The following CDC73 variants were observed in gnomAD, a reference collection of about 807,000 sequenced individuals.
CDC73 encodes parafibromin.
In CDC73, 21 loss-of-function variants were observed where a neutral mutation model predicts 83.7. The observed-to-expected ratio is 0.25, with a 90% CI of 0.18 to 0.36. CDC73 has a LOEUF of 0.36. Ranked by LOEUF, CDC73 falls within the 10% of genes least tolerant of loss-of-function variation. The pLI, the probability that CDC73 is intolerant of heterozygous loss-of-function variation, is 1.00. For synonymous variants in CDC73, 224 were observed against 212.9 expected, an observed-to-expected ratio of 1.05 and a Z score of -0.45; for missense variants, 342 against 653.3, an observed-to-expected ratio of 0.52 and a Z score of 5.19.
At chr1:193,241,018 C>T (rs1677847178) in intron 15 of CDC73, among the ~76,000 whole-genome samples, 1 of 152,084 alleles carries the variant, frequency 6.6e-6, no homozygotes, top group South Asian at 2.1e-4. Context: ...GTTTATTTTT[C>T]ATTGGGATCT....
intron 11 of CDC73, among the ~76,000 whole-genome samples, chr1:193,206,683 G>T (rs1279789612): frequency 1.3e-5 from 2 of 152,158 alleles, no homozygotes; most frequent in Non-Finnish European, 2.9e-5. Flanking sequence ...ACTGTTATTT[G>T]TTGGGTAGAG....
chr1:193,188,189 T>C (rs576285025), intron 10 of CDC73, among the ~76,000 whole-genome samples: 10 of 152,336 alleles, frequency 6.6e-5, no homozygotes, highest in African/African-American at 2.2e-4. Flanking sequence ...TGAGCTGTTA[T>C]GCAAATGGCT....
At chr1:193,246,362 G>C (rs1041784500) in intron 15 of CDC73, among the ~76,000 whole-genome samples, 10 of 151,846 alleles carry the variant, frequency 6.6e-5, no homozygotes, top group Admixed American at 1.3e-4. Flanking sequence ...ATTTATTGAA[G>C]ACTGTCTTTT....
intron 2 of CDC73, among the ~76,000 whole-genome samples, chr1:193,126,139 T>G (rs777780030): frequency 6.6e-6 from 1 of 152,160 alleles, no homozygotes; most frequent in African/African-American, 2.4e-5. Context: ...ATAGAGATGT[T>G]TAGAAAAACT....
In CDC73 at chr1:193,194,193, C is replaced by G. The variant is rs865821111; in HGVS notation, c.973-9602C>G. 6.6e-5 allele frequency among the ~76,000 whole-genome samples: 10 copies of G among 152,272 alleles called. No homozygotes were observed. The South Asian group carries it at 1.9e-3, about 28-fold the overall frequency. On this transcript the variant is annotated intron_variant, in intron 10 of 16. Coordinates refer to ENST00000367435, the MANE Select transcript of CDC73 (RefSeq NM_024529.5). ...AGTTAATTGCACATTCAAGGTTGTA[C>G]TACAGTGGCATTGTTTCTAGTGAAA... is the stretch of plus-strand genomic sequence containing the variant.
chr1:193,154,694 A>G (rs976143860), intron 10 of CDC73, among the ~76,000 whole-genome samples: 1 of 152,244 alleles, frequency 6.6e-6, no homozygotes, highest in Non-Finnish European at 1.5e-5. Context: ...GAATTAATAC[A>G]TAGAGAAATT....
At chr1:193,173,366 A>G (rs1182499797) in intron 10 of CDC73, among the ~76,000 whole-genome samples, 2 of 152,108 alleles carry the variant, frequency 1.3e-5, no homozygotes, top group East Asian at 1.9e-4. Flanking sequence ...TATCTGTTCC[A>G]CCTCTTCCTT....
rs1356073655 is a variant in CDC73 at position 193,141,687 on chromosome 1, A to G, written c.513-163A>G. Among the ~76,000 whole-genome samples, 5 of 152,190 alleles carry G rather than the reference A, an allele frequency of 3.3e-5. No individual in the cohort carries two copies. In the East Asian group the frequency reaches 9.6e-4, roughly 29 times the overall value. ...ATCTCGACATGAATTCTTTATAAAAATTTTATATAATTGCAGAATAGCAAG... is the reference window on the plus strand; with the variant it reads ...ATCTCGACATGAATTCTTTATAAAAGTTTTATATAATTGCAGAATAGCAAG... On this transcript the variant is annotated intron_variant, in intron 6 of 16. Coordinates refer to ENST00000367435, the MANE Select transcript of CDC73 (RefSeq NM_024529.5).
intron 5 of CDC73, chr1:193,136,457 T>C (rs2103122558): frequency 3.7e-6 from 1 of 268,926 alleles, no homozygotes; most frequent in Non-Finnish European, 8.6e-6. Flanking sequence ...TGCTCTATGC[T>C]ATGTGTTATT....
chr1:193,209,633 A>G lies in CDC73; in HGVS notation c.1031-2432A>G, dbSNP rs564652648. 3.3e-5 allele frequency among the ~76,000 whole-genome samples: 5 copies of G among 152,236 alleles called. No homozygotes were observed. The East Asian group carries it at 5.8e-4, about 18-fold the overall frequency. On this transcript the variant is annotated intron_variant, in intron 11 of 16. Transcript: ENST00000367435. The stretch of plus-strand genomic sequence containing the variant: ...ACAGTGTCTCAGTCTGGGTCCTTAC[A>G]TACTAGGGAACTTGTTTATATTCTT...
rs766802141 is a variant in CDC73, at chr1:193,138,856, CCT to C, written c.512+686_512+687del. Among the ~76,000 whole-genome samples the C allele has an allele frequency of 6.1e-4, 90 of 147,226 alleles. 1 individual carries two copies. Among genetic ancestry groups the C allele is most frequent in the Non-Finnish European group, 1.1e-3 (74 of 67,338 alleles). On this transcript the variant is annotated intron_variant, in intron 6 of 16. Coordinates refer to ENST00000367435, the MANE Select transcript of CDC73 (RefSeq NM_024529.5). ...GTGGTGCGATCTTGGCTCACTGCAA[CCT>C]CTGTCTTCTGGTTTCAAGCGATTCT...
At chr1:193,132,895 AT>A (rs781435930) in intron 3 of CDC73, among the ~76,000 whole-genome samples, 1,335 of 113,194 alleles carry the variant, frequency 0.012, 10 homozygotes, top group African/African-American at 0.034. Flanking sequence ...TTTCCTGTAG[AT>A]TTTTTTTTTT....
intron 7 of CDC73, among the ~76,000 whole-genome samples, chr1:193,144,931 G>A (rs893315076): frequency 1.3e-5 from 2 of 151,810 alleles, no homozygotes; most frequent in African/African-American, 4.8e-5. Context: ...AGAATTTTGG[G>A]AAGTTTCTTT....
intron 2 of CDC73, among the ~76,000 whole-genome samples, chr1:193,128,912 G>A (rs1675637350): frequency 6.6e-6 from 1 of 151,298 alleles, no homozygotes; most frequent in Non-Finnish European, 1.5e-5. Context: ...TTCTTGCACT[G>A]TTTGTTTGTG....
chr1:193,161,490 T>G (rs1454601907), intron 10 of CDC73, among the ~76,000 whole-genome samples: 1 of 145,934 alleles, frequency 6.9e-6, no homozygotes, highest in Non-Finnish European at 1.5e-5. Flanking sequence ...CATTTAGATT[T>G]TTGAAACTAT....
chr1:193,211,163 C>T (rs762534442), intron 11 of CDC73, among the ~76,000 whole-genome samples: 11 of 152,096 alleles, frequency 7.2e-5, no homozygotes, highest in African/African-American at 2.7e-4. Context: ...TTCCAAGACC[C>T]CCCAGCGGAT....
At chr1:193,189,981 A>C (rs2103167407) in intron 10 of CDC73, among the ~76,000 whole-genome samples, 1 of 152,326 alleles carries the variant, frequency 6.6e-6, no homozygotes, top group East Asian at 1.9e-4. Context: ...TTTTCATCTA[A>C]TGGGAATGAG....
intron 10 of CDC73, among the ~76,000 whole-genome samples, chr1:193,191,035 A>G (rs1050631192): frequency 3.9e-5 from 6 of 152,316 alleles, no homozygotes; most frequent in South Asian, 2.1e-4. Flanking sequence ...TTCATTGGCT[A>G]TCTGTGTAGG....
chr1:193,151,229 CATTTAAGTTTTTTTTAA>C (rs1375532288), intron 9 of CDC73, among the ~76,000 whole-genome samples: 1 of 152,136 alleles, frequency 6.6e-6, no homozygotes, highest in East Asian at 1.9e-4. Context: ...CTGAAATCTT[CATTTAAGTTTTTTTTAA>C]ATGATATGTT....
Sources: allele counts gnomAD v4.1 joint callset (sites outside exome capture counted in the v4.1 genomes callset), GRCh38; gene constraint gnomAD v4.1.1; transcripts MANE v1.5; gene names NCBI Gene and HGNC (gene_info 2026-07-23, HGNC 2026-07-21).